Variants in AKNA observed in about 807,000 individuals in gnomAD.
The protein encoded by AKNA is microtubule organization protein AKNA.
AKNA carries 67 observed loss-of-function variants against 138.8 expected under a neutral mutation model. The observed-to-expected ratio is 0.48, with a 90% confidence interval of 0.40 to 0.59. The LOEUF is 0.59. Ranked by LOEUF, AKNA falls within the 20% of genes least tolerant of loss-of-function variation. AKNA has a pLI of 0.00. For missense variants in AKNA, 1,813 were observed against 1,880.4 expected, an observed-to-expected ratio of 0.96 and a Z score of 0.66; for synonymous variants, 737 against 754.4, an observed-to-expected ratio of 0.98 and a Z score of 0.38.
chr9:114,343,635 G>C (rs927576659), intron 19 of AKNA, 73 bp downstream of exon 19: 3 of 1,483,066 alleles, frequency 2.0e-6, no homozygotes, highest in Non-Finnish European at 2.8e-6. Context: ...ATCTTGTCAA[G>C]TACACACTCC....
intron 11 of AKNA, among the ~76,000 whole-genome samples, chr9:114,358,820 G>A (rs1012720722): frequency 2.7e-5 from 4 of 146,028 alleles, no homozygotes; most frequent in African/African-American, 5.1e-5. Context: ...ATCACACACC[G>A]GGGGCTGTTG....
In AKNA at chr9:114,363,162, G is replaced by A. The variant is rs563345048; in HGVS notation, c.1789-629C>T. ...GCACAGGGAGGTCACTTAAGTTGAT[G>A]AAGGTCATGGAGTGAGTGAGTTGTA... is the stretch of plus-strand genomic sequence containing the variant. On this transcript the variant is annotated intron_variant, in intron 7 of 21. Coordinates refer to ENST00000374088, the MANE Select transcript of AKNA (RefSeq NM_001317950.2). Among the ~76,000 whole-genome samples the A allele has an allele frequency of 7.9e-5, 12 of 152,384 alleles. No individual in the cohort carries two copies. In the South Asian group the frequency reaches 8.3e-4, roughly 11 times the overall value.
In AKNA at chr9:114,356,120, C is replaced by T. The variant is rs140341608; in HGVS notation, c.2863G>A (p.Ala955Thr). ...GGCACAGATGCAGCAAAGGGCTGGG[C>T]TAATGTTCCTGCTGTGCTGGGGGAC... Reference protein sequence around the residue: ...LSHISTAGTLAQPFAASVPRD... With the variant: ...LSHISTAGTLTQPFAASVPRD... Residue 955 changes from alanine to threonine, a missense_variant, in exon 14 of 22, where the codon GCC (alanine) becomes ACC (threonine). Transcript: ENST00000374088. 5.5e-5 allele frequency: 88 copies of T among 1,613,436 alleles called. No individual in the cohort carries two copies. Among genetic ancestry groups the T allele is most frequent in the Admixed American group, 1.7e-4 (10 of 59,968 alleles).
chr9:114,398,390 A>G (rs1834604071), upstream of AKNA: 1 of 152,036 alleles, frequency 6.6e-6, no homozygotes, highest in South Asian at 2.1e-4. This position sits in a 1 kb window ranked among gnomAD's most constrained non-coding sequence, Gnocchi z 4.2. Context: ...AGTCCCAACG[A>G]GGGACAGGGA....
intron 8 of AKNA, among the ~76,000 whole-genome samples, chr9:114,362,154 A>AC (rs1432241502): frequency 6.6e-6 from 1 of 152,006 alleles, no homozygotes; most frequent in Non-Finnish European, 1.5e-5. Flanking sequence ...GAGAAATCCC[A>AC]CCCCCATCTA....
Position 114,374,197 on chromosome 9 carries a change from T to A in AKNA, c.1342-30A>T, listed in dbSNP as rs937339632. On this transcript the variant is annotated intron_variant, in intron 3 of 21. Coordinates refer to ENST00000374088, the MANE Select transcript of AKNA (RefSeq NM_001317950.2). ...AGAAAGCGGGAGCAACACGGTCACA[T>A]GCGCAGGCACACAATGAACCCCTCC... The A allele has an allele frequency of 4.5e-6, 7 of 1,548,934 alleles. No individual in the cohort carries two copies. In the African/African-American group the frequency reaches 9.6e-5, roughly 21 times the overall value.
intron 21 of AKNA, among the ~76,000 whole-genome samples, chr9:114,340,247 AG>A (rs1484130497): frequency 6.6e-6 from 1 of 152,206 alleles, no homozygotes; most frequent in Non-Finnish European, 1.5e-5. Flanking sequence ...CTACACACCC[AG>A]GCTTCTGGCA....
At chr9:114,373,463 T>C (rs960300102) in intron 4 of AKNA, among the ~76,000 whole-genome samples, 2 of 152,264 alleles carry the variant, frequency 1.3e-5, no homozygotes, top group East Asian at 1.9e-4. Context: ...TCTGTGTTAC[T>C]CTTTTGAGGC....
Position 114,337,012 on chromosome 9 carries a change from T to TGGGGGGGGGGGGCG in AKNA, c.*41_*42insCGCCCCCCCCCCCC. 1 of 1,208,224 alleles carries TGGGGGGGGGGGGCG rather than the reference T, an allele frequency of 8.3e-7. No individual in the cohort carries two copies. Among genetic ancestry groups the TGGGGGGGGGGGGCG allele is most frequent in the Non-Finnish European group, 1.1e-6 (1 of 929,350 alleles). 74.8% of individuals were successfully genotyped at this position (1,208,224 alleles called of 1,614,324 possible). A position where few individuals can be genotyped will look rare whatever the true frequency, so the allele number is the denominator to read the frequency against. On this transcript the variant is annotated 3_prime_UTR_variant, in exon 22 of 22. Coordinates refer to ENST00000374088, the MANE Select transcript of AKNA (RefSeq NM_001317950.2). ...CCCACTCCTGGCCTGGCAGGCCACC[T>TGGGGGGGGGGGGCG]GCCCACCCACCCACCCATCTGCCTC...
chr9:114,391,901 A>C (rs548251210), upstream of AKNA, among the ~76,000 whole-genome samples: 9 of 149,914 alleles, frequency 6.0e-5, 1 homozygote, highest in Middle Eastern at 0.01. Flanking sequence ...AACAAAAAAA[A>C]CCTCTTACTC....
intron 3 of AKNA, among the ~76,000 whole-genome samples, chr9:114,375,587 T>C (rs1833110913): frequency 6.6e-6 from 1 of 152,144 alleles, no homozygotes. Context: ...TATAAGGTCT[T>C]TATCTTTAGA....
intron 20 of AKNA, 54 bp downstream of exon 20, chr9:114,341,955 T>C (rs1201970552): frequency 6.5e-7 from 1 of 1,532,142 alleles, no homozygotes; most frequent in Non-Finnish European, 9.0e-7. Flanking sequence ...CTAATAACCC[T>C]GGTCAAGGAG....
chr9:114,374,219 C>G (rs1833005233), intron 3 of AKNA, 52 bp from the exon 4 acceptor site: 1 of 1,524,944 alleles, frequency 6.6e-7, no homozygotes, highest in African/African-American at 1.4e-5. Context: ...CAATGAACCC[C>G]TCCTTGCTGG....
intron 2 of AKNA, among the ~76,000 whole-genome samples, chr9:114,380,467 T>C (rs2132080860): frequency 6.6e-6 from 1 of 151,882 alleles, no homozygotes; most frequent in Middle Eastern, 3.4e-3. Context: ...CTTATTCACA[T>C]TACATTTGCA....
intron 14 of AKNA, 64 bp from the exon 15 acceptor site, chr9:114,351,085 G>A (rs1831087620): frequency 1.3e-6 from 2 of 1,522,250 alleles, no homozygotes; most frequent in East Asian, 2.3e-5. Flanking sequence ...GCTCACACTT[G>A]TGCAGGTGGA....
intron 1 of AKNA, among the ~76,000 whole-genome samples, chr9:114,381,902 G>A (rs1833710477): frequency 6.6e-6 from 1 of 152,060 alleles, no homozygotes; most frequent in African/African-American, 2.4e-5. Context: ...ACCCGCCTTG[G>A]CCTCCCAAAG....
intron 12 of AKNA, among the ~76,000 whole-genome samples, chr9:114,357,514 AGT>A (rs10534471): frequency 0.44 from 66,893 of 150,796 alleles, 15,659 homozygotes; most frequent in Middle Eastern, 0.58. Flanking sequence ...GGACTACAGA[AGT>A]GTGTGTGTGT....
chr9:114,342,712 C>A (rs1041229693), intron 19 of AKNA, among the ~76,000 whole-genome samples: 2 of 152,180 alleles, frequency 1.3e-5, no homozygotes, highest in Non-Finnish European at 2.9e-5. Flanking sequence ...TTGGCTCAAC[C>A]ACCACTCCCT....
Position 114,381,273 on chromosome 9 carries a change from G to T in AKNA, c.61C>A (p.Arg21=). Residue 21 remains arginine (R), a synonymous_variant, in exon 2 of 22, where the codon CGG becomes AGG. Transcript: ENST00000374088. The part of the protein sequence containing the change: ...AEPGLGKGPQ[R]RRWAWAEDKR... ...TCCTCGGCCCAGGCCCAGCGCCGCC[G>T]CTGGGGGCCCTTCCCCAGGCCAGGC... The T allele has an allele frequency of 6.2e-7, 1 of 1,612,662 alleles. No homozygotes were observed. Among genetic ancestry groups the T allele is most frequent in the Non-Finnish European group, 8.5e-7 (1 of 1,179,360 alleles).
Sources: gnomAD v4.1 joint callset for allele counts (sites outside exome capture counted in the v4.1 genomes callset) on GRCh38, gnomAD v4.1.1 for gene constraint, Gnocchi (gnomAD v3.1) non-coding constraint, MANE v1.5 for transcripts, NCBI Gene and HGNC (gene_info 2026-07-23, HGNC 2026-07-21) for gene names.